The following PRKG1 variants were observed in gnomAD, a reference collection of about 807,000 sequenced individuals.
PRKG1 encodes the protein protein kinase cGMP-dependent 1, also known as cGMP-dependent protein kinase 1.
In PRKG1, 35 loss-of-function variants were observed where a neutral mutation model predicts 88.1. That is an observed-to-expected ratio of 0.40 (90% CI 0.30 to 0.53). PRKG1 has a LOEUF of 0.53. PRKG1 is among the 20% of genes least tolerant of loss of function. The pLI is 0.59. For missense variants in PRKG1, 540 were observed against 839.8 expected, an observed-to-expected ratio of 0.64 and a Z score of 4.41; for synonymous variants, 303 against 292.5, an observed-to-expected ratio of 1.04 and a Z score of -0.37.
At chr10:51,562,181 G>T (rs1333379218) in intron 3 of PRKG1, among the ~76,000 whole-genome samples, 1 of 150,714 alleles carries the variant, frequency 6.6e-6, no homozygotes, top group Non-Finnish European at 1.5e-5. Context: ...CTGAGATCAC[G>T]CCACTGCACT....
intron 3 of PRKG1, among the ~76,000 whole-genome samples, chr10:51,498,320 A>G (rs975033194): frequency 1.3e-5 from 2 of 152,350 alleles, no homozygotes; most frequent in East Asian, 3.9e-4. Flanking sequence ...ACAGAAAAAC[A>G]ACATGGAGTA....
intron 2 of PRKG1, among the ~76,000 whole-genome samples, chr10:51,433,847 A>G (rs1405572714): frequency 6.6e-6 from 1 of 152,166 alleles, no homozygotes; most frequent in Non-Finnish European, 1.5e-5. Context: ...TAATAGACTG[A>G]TGGTATTAAC....
rs1839042695 is a variant in PRKG1, at chr10:51,797,408, A to G, written c.593-7177A>G. 2.1e-5 allele frequency among the ~76,000 whole-genome samples: 3 copies of G among 146,176 alleles called. No homozygotes were observed. In the Admixed American group the frequency reaches 2.1e-4, roughly 10 times the overall value. ...ATTATATATCTTTATTATATTATTT[A>G]TAATACATATTATATTTTATTTTAT... On this transcript the variant is annotated intron_variant, in intron 3 of 17. Transcript: ENST00000373980.
intron 1 of PRKG1, among the ~76,000 whole-genome samples, chr10:51,116,111 T>A (rs1476224142): frequency 6.6e-6 from 1 of 152,098 alleles, no homozygotes. Flanking sequence ...GGTAACTAAT[T>A]GAGAAAGGTG....
chr10:51,918,762 G>A (rs1432958911), intron 5 of PRKG1, among the ~76,000 whole-genome samples: 1 of 152,124 alleles, frequency 6.6e-6, no homozygotes, highest in Non-Finnish European at 1.5e-5. Context: ...AGCAGATCAC[G>A]ATGAGCTCCA....
chr10:51,372,024 C>G (rs1448676716), intron 2 of PRKG1, among the ~76,000 whole-genome samples: 1 of 152,092 alleles, frequency 6.6e-6, no homozygotes, highest in South Asian at 2.1e-4. Flanking sequence ...AAAGTCAAAA[C>G]CTGCATCATT....
chr10:52,039,944 T>C (rs989380480), intron 5 of PRKG1, among the ~76,000 whole-genome samples: 6 of 152,186 alleles, frequency 3.9e-5, no homozygotes, highest in Admixed American at 3.9e-4. Context: ...CCTTCAGCTC[T>C]GAACAAGACT....
chr10:51,554,444 A>G lies in PRKG1; in HGVS notation c.592+86608A>G, dbSNP rs7895349. Among the ~76,000 whole-genome samples, 925 of 147,202 alleles carry G rather than the reference A, an allele frequency of 6.3e-3. 5 individuals carry two copies. The highest frequency in any genetic ancestry group is 0.014 in the African/African-American group (547 of 40,192). ...ATCGTGTGTGTGTGTGTGTGTGTGT[A>G]TATATATATCACTAAGAGGTGTTGT... On this transcript the variant is annotated intron_variant, in intron 3 of 17. Coordinates refer to ENST00000373980, the MANE Select transcript of PRKG1 (RefSeq NM_006258.4).
intron 3 of PRKG1, among the ~76,000 whole-genome samples, chr10:51,474,513 G>A (rs1265036126): frequency 2.0e-5 from 3 of 151,942 alleles, no homozygotes. Context: ...CATACAATGG[G>A]CAATCAGAAC....
At chr10:51,041,641 G>C (rs1843425600) in intron 1 of PRKG1, among the ~76,000 whole-genome samples, 1 of 152,120 alleles carries the variant, frequency 6.6e-6, no homozygotes, top group Admixed American at 6.5e-5. Flanking sequence ...CCTGGAATGG[G>C]ACCCCAGGAC....
chr10:51,615,732 C>T (rs1839034756), intron 3 of PRKG1, among the ~76,000 whole-genome samples: 1 of 150,326 alleles, frequency 6.7e-6, no homozygotes, highest in South Asian at 2.1e-4. Flanking sequence ...TCTCTGATCT[C>T]TTTGTGTTGT....
At chr10:51,099,384 G>GGCACACAC (rs1554835960) in intron 1 of PRKG1, among the ~76,000 whole-genome samples, 1 of 148,790 alleles carries the variant, frequency 6.7e-6, no homozygotes, top group South Asian at 2.2e-4. Flanking sequence ...CAGCATTCAA[G>GGCACACAC]ACACACACAC....
chr10:51,195,014 C>T (rs762038326), intron 2 of PRKG1, among the ~76,000 whole-genome samples: 4 of 152,164 alleles, frequency 2.6e-5, no homozygotes, highest in Admixed American at 6.6e-5. Flanking sequence ...ATTTCCAACA[C>T]GTGAACTTTG....
rs149688287 is a variant in PRKG1, at chr10:51,125,130, C to T, written c.312-28034C>T. ...CCCAGGAGTTCGAGAGCAGGTTGAGCAACATAACTAAACCCTGTCTCTACA... is the reference window on the plus strand; with the variant it reads ...CCCAGGAGTTCGAGAGCAGGTTGAGTAACATAACTAAACCCTGTCTCTACA... On this transcript the variant is annotated intron_variant, in intron 1 of 17. Coordinates refer to ENST00000373980, the MANE Select transcript of PRKG1 (RefSeq NM_006258.4). 2.1e-3 allele frequency among the ~76,000 whole-genome samples: 312 copies of T among 152,116 alleles called. 2 individuals carry two copies. Among genetic ancestry groups the T allele is most frequent in the African/African-American group, 7.3e-3 (302 of 41,482 alleles).
At chr10:52,014,910 G>T (rs1170215115) in intron 5 of PRKG1, among the ~76,000 whole-genome samples, 1 of 152,220 alleles carries the variant, frequency 6.6e-6, no homozygotes, top group Non-Finnish European at 1.5e-5. Context: ...CAAGGCATAG[G>T]TTCCCAAGGC....
chr10:52,282,229 C>A lies in PRKG1; in HGVS notation c.1622C>A (p.Ala541Asp), dbSNP rs1416687037. ...TTTTGTGGGACTCCAGAGTATGTAG[C>A]CCCAGAGATCATCCTGAACAAAGGC... ...WTFCGTPEYVAPEIILNKGHD... is the reference protein window; with the variant it reads ...WTFCGTPEYVDPEIILNKGHD... Residue 541 changes from alanine (A) to aspartate (D), a missense_variant, in exon 14 of 18, where the codon GCC becomes GAC. By Grantham distance (126) the Ala-to-Asp change is moderately radical. This residue lies in a region of PRKG1 where 97 missense variants were observed against 210.6 expected (regional missense o/e 0.46). Transcript: ENST00000373980. 1 of 1,611,406 alleles carries A rather than the reference C, an allele frequency of 6.2e-7. No homozygotes were observed. Among genetic ancestry groups the A allele is most frequent in the Non-Finnish European group, 8.5e-7 (1 of 1,178,414 alleles).
intron 2 of PRKG1, among the ~76,000 whole-genome samples, chr10:51,335,504 AT>A (rs1243626680): frequency 6.6e-6 from 1 of 152,064 alleles, no homozygotes; most frequent in African/African-American, 2.4e-5. Context: ...ATTTAATATA[AT>A]TTAGGTACAC....
chr10:51,770,496 C>T (rs1301149071), intron 3 of PRKG1, among the ~76,000 whole-genome samples: 3 of 152,152 alleles, frequency 2.0e-5, no homozygotes, highest in Non-Finnish European at 2.9e-5. Flanking sequence ...CAGGGGTACC[C>T]AACCCCTGGG....
chr10:51,393,274 A>G (rs1837486779), intron 2 of PRKG1, among the ~76,000 whole-genome samples: 1 of 151,662 alleles, frequency 6.6e-6, no homozygotes, highest in Admixed American at 6.6e-5. Flanking sequence ...GCTGCTGGGC[A>G]GAGACGCTCC....
Sources: gnomAD v4.1 joint callset for allele counts (sites outside exome capture counted in the v4.1 genomes callset) on GRCh38, gnomAD v4.1.1 for gene constraint, gnomAD v4.1.1 regional missense constraint, MANE v1.5 for transcripts, NCBI Gene and HGNC (gene_info 2026-07-23, HGNC 2026-07-21) for gene names.